The following KDM1A variants were observed in gnomAD, a reference collection of about 807,000 sequenced individuals.
KDM1A encodes the protein lysine-specific histone demethylase 1A.
KDM1A carries 49 observed loss-of-function variants against 109.4 expected under a neutral mutation model. That is an observed-to-expected ratio of 0.45 (90% CI 0.36 to 0.57). The LOEUF (loss-of-function observed/expected upper bound fraction) is 0.57, where lower values mean the gene tolerates loss of function less well. Among genes scored for constraint, KDM1A ranks in the 20% least tolerant of loss-of-function variants. The pLI is 0.00. For synonymous variants in KDM1A, 380 were observed against 415.4 expected (o/e 0.91, Z 1.04); for missense variants, 668 against 1,116.6 (o/e 0.60, Z 5.73).
At chr1:23,058,327 C>T (rs922160675) in intron 8 of KDM1A, among the ~76,000 whole-genome samples, 2 of 152,160 alleles carry the variant, frequency 1.3e-5, no homozygotes, top group South Asian at 2.1e-4. Flanking sequence ...GATCCACCCA[C>T]CTCGGCCTCC....
chr1:23,019,501 G>C lies in KDM1A; in HGVS notation c.-96G>C, dbSNP rs1048923839. ...CGTACGCGACGGCGGTTGGCGGCGC[G>C]CGGGCAGCGTGAAGCGAGGCGAGGC... On this transcript the variant is annotated 5_prime_UTR_variant, in exon 1 of 21. Coordinates refer to ENST00000400181, the MANE Select transcript of KDM1A (RefSeq NM_001009999.3). 14 of 1,299,608 alleles carry C rather than the reference G, an allele frequency of 1.1e-5. No homozygotes were observed. Among genetic ancestry groups the C allele is most frequent in the Middle Eastern group, 6.1e-4 (2 of 3,286 alleles). 80.5% of individuals were successfully genotyped at this position (1,299,608 alleles called of 1,614,324 possible). A position where few individuals can be genotyped will look rare whatever the true frequency, so the allele number is the denominator to read the frequency against.
intron 1 of KDM1A, among the ~76,000 whole-genome samples, chr1:23,022,631 C>T (rs1280740682): frequency 8.0e-5 from 11 of 137,062 alleles, no homozygotes; most frequent in African/African-American, 1.9e-4. Flanking sequence ...TGAGCCACTG[C>T]GCCTGGCCTT....
At chr1:23,026,388 CTGTT>C (rs80254954) in intron 1 of KDM1A, among the ~76,000 whole-genome samples, 16 of 51,482 alleles carry the variant, frequency 3.1e-4, no homozygotes, top group African/African-American at 9.8e-4. Context: ...TTTTGTTTGT[CTGTT>C]TGTTTTTTTT....
rs777288526 is a variant in KDM1A at position 23,042,068 on chromosome 1, A to G, written c.518-2359A>G. 8.5e-5 allele frequency among the ~76,000 whole-genome samples: 13 copies of G among 152,294 alleles called. No individual in the cohort carries two copies. The South Asian group carries it at 2.1e-3, about 24-fold the overall frequency. On this transcript the variant is annotated intron_variant, in intron 2 of 20. Coordinates refer to ENST00000400181, the MANE Select transcript of KDM1A (RefSeq NM_001009999.3). Reference sequence around the variant, plus strand: ...GTGAGTTTATTGTATGACATGTATTATAGTTGGAAAAGAAGGGAAATGAGA... The same window carrying G: ...GTGAGTTTATTGTATGACATGTATTGTAGTTGGAAAAGAAGGGAAATGAGA...
At chr1:23,046,325 T>C (rs1435506608) in intron 3 of KDM1A, among the ~76,000 whole-genome samples, 1 of 152,152 alleles carries the variant, frequency 6.6e-6, no homozygotes, top group Non-Finnish European at 1.5e-5. Flanking sequence ...CTCCCCCTAT[T>C]CCTTATTCCT....
chr1:23,057,650 G>A (rs1642870729), intron 8 of KDM1A, 85 bp downstream of exon 8: 3 of 1,008,498 alleles, frequency 3.0e-6, no homozygotes, highest in Non-Finnish European at 4.7e-6. Context: ...ATTTTAAAAT[G>A]TATTGGTTTA....
intron 5 of KDM1A, among the ~76,000 whole-genome samples, chr1:23,054,773 T>C (rs1642776527): frequency 6.6e-6 from 1 of 152,104 alleles, no homozygotes; most frequent in South Asian, 2.1e-4. Context: ...ACTATGGGCA[T>C]GCACCATCAT....
At chr1:23,034,582 C>G (rs1439736390) in intron 2 of KDM1A, among the ~76,000 whole-genome samples, 1 of 152,220 alleles carries the variant, frequency 6.6e-6, no homozygotes, top group Non-Finnish European at 1.5e-5. Flanking sequence ...AACTGATTCT[C>G]CAACACTTAC....
rs997438837 is a variant in KDM1A at position 23,069,846 on chromosome 1, A to G, written c.1413+695A>G. ...GGCTCCAGCGCATTAAAGTCCAACC[A>G]TTTGCTTCTCCTCACCCTGCCAGCT... On this transcript the variant is annotated intron_variant, in intron 12 of 20. Coordinates refer to ENST00000400181, the MANE Select transcript of KDM1A (RefSeq NM_001009999.3). Among the ~76,000 whole-genome samples, 3 of 152,254 alleles carry G rather than the reference A, an allele frequency of 2.0e-5. 1 individual carries two copies. The South Asian group carries it at 6.2e-4, about 32-fold the overall frequency.
At chr1:23,051,649 A>G (rs1642673477) in intron 4 of KDM1A, among the ~76,000 whole-genome samples, 1 of 152,188 alleles carries the variant, frequency 6.6e-6, no homozygotes, top group Non-Finnish European at 1.5e-5. Context: ...ATTTAGCCAG[A>G]GAGTAAATGG....
At chr1:23,021,036 A>C (rs1274720918) in intron 1 of KDM1A, among the ~76,000 whole-genome samples, 2 of 152,188 alleles carry the variant, frequency 1.3e-5, no homozygotes, top group Non-Finnish European at 1.5e-5. Flanking sequence ...CAGATTATAT[A>C]ATTTATGCCT....
intron 2 of KDM1A, among the ~76,000 whole-genome samples, chr1:23,040,165 A>G (rs901819254): frequency 2.6e-5 from 4 of 152,160 alleles, no homozygotes; most frequent in Admixed American, 2.0e-4. Context: ...AATGTTTGTA[A>G]TTTGAATGTG....
intron 16 of KDM1A, 65 bp from the exon 17 acceptor site, chr1:23,078,925 A>G: frequency 7.4e-7 from 1 of 1,342,322 alleles, no homozygotes; most frequent in East Asian, 2.3e-5. Flanking sequence ...TGTACACTAA[A>G]TGTTCAGTGT....
chr1:23,031,956 T>C (rs556386415), intron 2 of KDM1A, among the ~76,000 whole-genome samples: 26 of 152,328 alleles, frequency 1.7e-4, no homozygotes, highest in Non-Finnish European at 3.5e-4. Flanking sequence ...CTTTTTACTT[T>C]ACACCTCTCG....
chr1:23,065,929 C>T, intron 9 of KDM1A, 131 bp from the exon 10 acceptor site: 1 of 1,287,066 alleles, frequency 7.8e-7, no homozygotes, highest in African/African-American at 1.5e-5. Flanking sequence ...AGCTTCTGAG[C>T]TAACAGAATG....
Position 23,057,474 on chromosome 1 carries a change from T to C in KDM1A, c.991-10T>C. On this transcript the variant is annotated splice_polypyrimidine_tract_variant and intron_variant, in intron 7 of 20. Coordinates refer to ENST00000400181, the MANE Select transcript of KDM1A (RefSeq NM_001009999.3). ...AATTGATGATTTTGGCTACTTAATT[T>C]CTGAAACAGGATCGTGTGGGTGGAC... The C allele has an allele frequency of 6.2e-7, 1 of 1,612,832 alleles. No homozygotes were observed.
In KDM1A at chr1:23,060,386, C is replaced by T. The variant is rs144381619; in HGVS notation, c.1167+1219C>T. 2.3e-3 allele frequency among the ~76,000 whole-genome samples: 357 copies of T among 152,218 alleles called. 2 individuals carry two copies. In the Middle Eastern group the frequency reaches 0.044, roughly 19 times the overall value. On this transcript the variant is annotated intron_variant, in intron 9 of 20. Coordinates refer to ENST00000400181, the MANE Select transcript of KDM1A (RefSeq NM_001009999.3). ...TTTTCCCAATCTTGTTTTATCTGTCCCATTCCTGCACTTTTGAGTCCAGGG... is the reference window on the plus strand; with the variant it reads ...TTTTCCCAATCTTGTTTTATCTGTCTCATTCCTGCACTTTTGAGTCCAGGG...
chr1:23,032,217 A>G (rs1246731667), intron 2 of KDM1A, among the ~76,000 whole-genome samples: 2 of 152,056 alleles, frequency 1.3e-5, no homozygotes, highest in African/African-American at 4.8e-5. Context: ...TGATGATCTG[A>G]TATCTCAGAT....
intron 2 of KDM1A, among the ~76,000 whole-genome samples, chr1:23,040,756 C>G (rs1025375022): frequency 6.6e-5 from 10 of 152,046 alleles, no homozygotes; most frequent in African/African-American, 2.4e-4. Flanking sequence ...CCACTGTACT[C>G]CACCCTGGGC....
Sources: allele counts gnomAD v4.1 joint callset (sites outside exome capture counted in the v4.1 genomes callset), GRCh38; gene constraint gnomAD v4.1.1; transcripts MANE v1.5; gene names NCBI Gene and HGNC (gene_info 2026-07-23, HGNC 2026-07-21).